Variants in RBMS1 observed in about 807,000 individuals in gnomAD.
The protein encoded by RBMS1 is RNA binding motif single stranded interacting protein 1.
Under a neutral mutation model 62.3 loss-of-function variants are expected in RBMS1, and 17 were observed. That is an observed-to-expected ratio of 0.27 (90% CI 0.19 to 0.41). The LOEUF (loss-of-function observed/expected upper bound fraction) is 0.41, where lower values mean the gene tolerates loss of function less well. Among genes scored for constraint, RBMS1 ranks in the 10% least tolerant of loss-of-function variants. RBMS1 has a pLI of 1.00. For synonymous variants in RBMS1, 172 were observed against 170.0 expected (o/e 1.01, Z -0.09); for missense variants, 334 against 504.5 (o/e 0.66, Z 3.24).
chr2:160,405,112 C>T (rs1196849192), intron 1 of RBMS1, among the ~76,000 whole-genome samples: 1 of 152,138 alleles, frequency 6.6e-6, no homozygotes, highest in African/African-American at 2.4e-5. Flanking sequence ...GTTAATCTGC[C>T]AAAAACATTC....
chr2:160,424,666 T>G (rs1696573736), intron 1 of RBMS1, among the ~76,000 whole-genome samples: 1 of 152,058 alleles, frequency 6.6e-6, no homozygotes, highest in Admixed American at 6.6e-5. Context: ...TTTATATGAT[T>G]AAAAAAATAC....
chr2:160,285,621 G>A (rs914459626), intron 7 of RBMS1, among the ~76,000 whole-genome samples: 1 of 150,778 alleles, frequency 6.6e-6, no homozygotes, highest in African/African-American at 2.4e-5. Flanking sequence ...ATTTTATTAC[G>A]AAATTGAGAG....
intron 1 of RBMS1, among the ~76,000 whole-genome samples, chr2:160,388,632 T>C (rs1170361661): frequency 6.6e-6 from 1 of 152,128 alleles, no homozygotes; most frequent in African/African-American, 2.4e-5. Context: ...ACACTTGACT[T>C]GTCACTCCCC....
intron 1 of RBMS1, among the ~76,000 whole-genome samples, chr2:160,418,703 C>G (rs963624718): frequency 6.6e-6 from 1 of 152,126 alleles, no homozygotes; most frequent in African/African-American, 2.4e-5. Context: ...AACAAACCAG[C>G]CAATTTATTT....
At chr2:160,336,875 G>C (rs1399428000) in intron 2 of RBMS1, among the ~76,000 whole-genome samples, 1 of 152,098 alleles carries the variant, frequency 6.6e-6, no homozygotes, top group Non-Finnish European at 1.5e-5. Flanking sequence ...CCCTTGCCAT[G>C]GGAAATAGTA....
At chr2:160,309,231 C>G (rs1048705245) in intron 4 of RBMS1, among the ~76,000 whole-genome samples, 1 of 152,104 alleles carries the variant, frequency 6.6e-6, no homozygotes, top group Non-Finnish European at 1.5e-5. Flanking sequence ...TGAAGCGTTC[C>G]AAGTCTCACC....
intron 1 of RBMS1, among the ~76,000 whole-genome samples, chr2:160,479,527 T>C (rs1208700467): frequency 6.6e-6 from 1 of 152,230 alleles, no homozygotes; most frequent in Non-Finnish European, 1.5e-5. Flanking sequence ...ATCCAACCTG[T>C]GATCAGTTTC....
intron 1 of RBMS1, among the ~76,000 whole-genome samples, chr2:160,460,581 A>G (rs1035773897): frequency 1.3e-5 from 2 of 152,202 alleles, no homozygotes; most frequent in Admixed American, 1.3e-4. Context: ...CTCTGCCACT[A>G]CACAACAGTG....
intron 2 of RBMS1, among the ~76,000 whole-genome samples, chr2:160,332,811 C>A (rs1340535367): frequency 6.6e-6 from 1 of 151,294 alleles, no homozygotes; most frequent in Non-Finnish European, 1.5e-5. Flanking sequence ...AACCAGAAAG[C>A]TTCTTTACAT....
intron 13 of RBMS1, 77 bp downstream of exon 13, chr2:160,275,553 C>T: frequency 1.2e-5 from 18 of 1,544,014 alleles, no homozygotes; most frequent in Non-Finnish European, 1.5e-5. Context: ...ATCCCAATCA[C>T]CATTCTGATT....
rs187275396 is a variant in RBMS1, at chr2:160,455,585, G to T, written c.75+37704C>A. Among the ~76,000 whole-genome samples the T allele has an allele frequency of 2.8e-3, 428 of 152,144 alleles. 5 individuals carry two copies. The highest frequency in any genetic ancestry group is 4.6e-3 in the Non-Finnish European group (313 of 68,006). The stretch of plus-strand genomic sequence containing the variant: ...GGGAGGAAAATTGTGAACCTGCCTG[G>T]AGAGGACACCAAAGGAATATCCAAG... On this transcript the variant is annotated intron_variant, in intron 1 of 13. Coordinates refer to ENST00000348849, the MANE Select transcript of RBMS1 (RefSeq NM_016836.4).
At chr2:160,296,626 A>G (rs1273258829) in intron 6 of RBMS1, among the ~76,000 whole-genome samples, 1 of 152,084 alleles carries the variant, frequency 6.6e-6, no homozygotes, top group East Asian at 1.9e-4. Context: ...AAACACCTCA[A>G]TGTTTCTTGG....
intron 4 of RBMS1, among the ~76,000 whole-genome samples, chr2:160,304,678 A>G (rs374866060): frequency 1.3e-5 from 2 of 152,322 alleles, no homozygotes; most frequent in East Asian, 3.9e-4. Context: ...AATAATAAAT[A>G]ATAGATTTTA....
At chr2:160,313,326 GT>G (rs1360808445) in intron 3 of RBMS1, 79 bp from the exon 4 acceptor site, 16 of 1,362,870 alleles carry the variant, frequency 1.2e-5, no homozygotes, top group Non-Finnish European at 1.4e-5. Context: ...GCTCTACTTT[GT>G]TTCTGGTGTG....
At position 160,397,696 on chromosome 2, in the gene RBMS1, A is replaced by T. The variant is rs181994040; in HGVS notation, c.76-30305T>A. Among the ~76,000 whole-genome samples, 184 of 152,134 alleles carry T rather than the reference A, an allele frequency of 1.2e-3. 1 individual carries two copies. The highest frequency in any genetic ancestry group is 4.2e-3 in the African/African-American group (174 of 41,482). On this transcript the variant is annotated intron_variant, in intron 1 of 13. Transcript: ENST00000348849. ...CCACCCTCCTTTCCCGCCCCACTAC[A>T]CACACAGGACTCCACTGAGACTTCT...
chr2:160,476,423 T>G (rs553981037), intron 1 of RBMS1, among the ~76,000 whole-genome samples: 7 of 152,294 alleles, frequency 4.6e-5, no homozygotes, highest in African/African-American at 1.7e-4. Flanking sequence ...AAGAATTCTG[T>G]CTGTGCCTCA....
chr2:160,383,262 G>C (rs1019253149), intron 1 of RBMS1, among the ~76,000 whole-genome samples: 1 of 151,978 alleles, frequency 6.6e-6, no homozygotes. Flanking sequence ...GCCTTGTGAC[G>C]GCAGAATACC....
In RBMS1 at chr2:160,273,434, T is replaced by C. The variant is rs1191573931; in HGVS notation, c.*1338A>G. 1 of 152,250 alleles carries C rather than the reference T, an allele frequency of 6.6e-6. No individual in the cohort carries two copies. The highest frequency in any genetic ancestry group is 1.5e-5 in the Non-Finnish European group (1 of 68,036). 9.4% of individuals were successfully genotyped at this position (152,250 alleles called of 1,614,324 possible). A position where few individuals can be genotyped will look rare whatever the true frequency, so the allele number is the denominator to read the frequency against. On this transcript the variant is annotated 3_prime_UTR_variant, in exon 14 of 14. Transcript: ENST00000348849. ...GAGACAAGTTGGAGCTACTGGTTACTGGCTCTTCGGTCTTTGGTGAAGTTA... is the reference window on the plus strand; with the variant it reads ...GAGACAAGTTGGAGCTACTGGTTACCGGCTCTTCGGTCTTTGGTGAAGTTA...
intron 12 of RBMS1, 128 bp downstream of exon 12, chr2:160,277,175 C>A: frequency 1.2e-6 from 1 of 820,156 alleles, no homozygotes; most frequent in Non-Finnish European, 1.9e-6. Flanking sequence ...CATGACCCAC[C>A]ACATCTGGCT....
Sources: allele counts gnomAD v4.1 joint callset (sites outside exome capture counted in the v4.1 genomes callset), GRCh38; gene constraint gnomAD v4.1.1; transcripts MANE v1.5; gene names NCBI Gene and HGNC (gene_info 2026-07-23, HGNC 2026-07-21).